Variants in ADAT1 observed in about 807,000 individuals in gnomAD.
ADAT1 encodes adenosine deaminase tRNA specific 1.
A neutral mutation model predicts 58.6 loss-of-function variants in ADAT1; 58 were observed. The observed-to-expected ratio is 0.99, with a 90% CI of 0.80 to 1.23. The LOEUF is 1.23. Ranked by LOEUF, ADAT1 falls within the 50% of genes most tolerant of loss-of-function variation. The pLI is 0.00. For missense variants in ADAT1, 741 were observed against 608.6 expected (o/e 1.22, Z -2.29); for synonymous variants, 254 against 220.8 (o/e 1.15, Z -1.33).
chr16:75,612,024 C>A (rs561159654), intron 6 of ADAT1, among the ~76,000 whole-genome samples: 2 of 152,224 alleles, frequency 1.3e-5, no homozygotes, highest in African/African-American at 4.8e-5. Flanking sequence ...CGCCATTGCA[C>A]CCCAGCCTGG....
chr16:75,618,098 CA>C lies in ADAT1; in HGVS notation c.293+487del, dbSNP rs1163510620. 2.1e-3 allele frequency among the ~76,000 whole-genome samples: 68 copies of C among 32,536 alleles called. 1 individual carries two copies. The highest frequency in any genetic ancestry group is 6.3e-3 in the East Asian group (6 of 952). The allele number at this position is 32,536 out of a possible 152,430, so 21.3% of individuals were successfully genotyped here. On this transcript the variant is annotated intron_variant, in intron 4 of 9. Transcript: ENST00000564657. ...AGGTAACAGAGCAAGACCCTGTGTC[CA>C]AAAAAAAAAAAAAAAAAAAAAAAAA... is the stretch of plus-strand genomic sequence containing the variant.
chr16:75,600,237 CG>C lies in ADAT1; in HGVS notation c.1487del (p.Pro496ArgfsTer37). 6.2e-7 allele frequency: 1 copy of C among 1,614,148 alleles called. No homozygotes were observed. On this transcript the variant is annotated frameshift_variant, in exon 10 of 10. Coordinates refer to ENST00000564657, the MANE Select transcript of ADAT1 (RefSeq NM_001324445.2). LOFTEE classifies it high-confidence loss of function. The stretch of plus-strand genomic sequence containing the variant: ...CTTCTCACTTGAACTGGTGATAATC[CG>C]GTGGGTTTCTGATCCAGGATCCAAA... ...QVFGSWIRNP[P>X]DYHQFK
At chr16:75,603,278 AG>A (rs1408271482) in intron 8 of ADAT1, 107 bp from the exon 9 acceptor site, 7 of 925,978 alleles carry the variant, frequency 7.6e-6, no homozygotes, top group Non-Finnish European at 1.0e-5. Context: ...AAGGTGCCAG[AG>A]CCCCTCATTT....
In ADAT1 at chr16:75,603,033, A is replaced by C. The variant is rs1378951828; in HGVS notation, c.1376+52T>G. On this transcript the variant is annotated intron_variant, in intron 9 of 9. Coordinates refer to ENST00000564657, the MANE Select transcript of ADAT1 (RefSeq NM_001324445.2). ...AGCTTCTTGCTACTCAGAAGCCAGA[A>C]TCAAAACAGTTGTCTACCTAAATAT... 4 of 1,546,462 alleles carry C rather than the reference A, an allele frequency of 2.6e-6. No individual in the cohort carries two copies. In the African/African-American group the frequency reaches 4.1e-5, roughly 16 times the overall value.
In ADAT1 at chr16:75,599,577, G is replaced by C; in HGVS notation, c.*639C>G. ...TGGCTTTCTCTAGGTAGTAGGAAAA[G>C]ATGGCCACCGGCAGTCCCATGATTA... On this transcript the variant is annotated 3_prime_UTR_variant, in exon 10 of 10. Transcript: ENST00000564657. The C allele has an allele frequency of 1.0e-6, 1 of 985,932 alleles. No individual in the cohort carries two copies. The highest frequency in any genetic ancestry group is 1.2e-6 in the Non-Finnish European group (1 of 830,012). 61.1% of individuals were successfully genotyped at this position (985,932 alleles called of 1,614,324 possible).
chr16:75,619,703 G>C (rs1256759554), intron 3 of ADAT1: 2 of 440,812 alleles, frequency 4.5e-6, no homozygotes, highest in African/African-American at 2.0e-5. Flanking sequence ...CTGAGGTCAG[G>C]AGTTCAAGAC....
intron 7 of ADAT1, 25 bp from the exon 8 acceptor site, chr16:75,608,348 T>A: frequency 6.4e-7 from 1 of 1,563,988 alleles, no homozygotes; most frequent in Non-Finnish European, 8.8e-7. Context: ...GATTCTAGGG[T>A]TAAAACTGCT....
chr16:75,613,353 G>A (rs1041235237), intron 5 of ADAT1, among the ~76,000 whole-genome samples: 5 of 152,306 alleles, frequency 3.3e-5, no homozygotes, highest in Non-Finnish European at 7.4e-5. Context: ...CCAGGCTGGA[G>A]TGCAGTGGGG....
intron 8 of ADAT1, among the ~76,000 whole-genome samples, chr16:75,604,456 A>AAAAATAT (rs1555508674): frequency 2.0e-4 from 10 of 48,782 alleles, no homozygotes; most frequent in African/African-American, 4.2e-4. Flanking sequence ...AAAAAAAAAA[A>AAAAATAT]ATATATATAT....
chr16:75,616,007 T>C (rs1484260919), intron 5 of ADAT1, among the ~76,000 whole-genome samples: 1 of 151,798 alleles, frequency 6.6e-6, no homozygotes, highest in East Asian at 1.9e-4. Context: ...TCTCTCTCTT[T>C]TTTTTTTTTT....
chr16:75,613,401 A>C (rs536600552), intron 5 of ADAT1, among the ~76,000 whole-genome samples: 1 of 152,150 alleles, frequency 6.6e-6, no homozygotes, highest in Non-Finnish European at 1.5e-5. Context: ...TCCTGGGTTC[A>C]AGTCATTCTC....
At position 75,621,546 on chromosome 16, in the gene ADAT1, G is replaced by T; in HGVS notation, c.-21-726C>A. Among the ~76,000 whole-genome samples, 4 of 152,192 alleles carry T rather than the reference G, an allele frequency of 2.6e-5. No individual in the cohort carries two copies. In the South Asian group the frequency reaches 8.3e-4, roughly 32 times the overall value. The stretch of plus-strand genomic sequence containing the variant: ...TTGTGAAGATTAAATAATACTTAGG[G>T]TTACTGTGAGGGTTAAATAAGTAAT... On this transcript the variant is annotated intron_variant, in intron 1 of 9. Transcript: ENST00000564657.
chr16:75,615,250 A>T (rs2081663598), intron 5 of ADAT1, among the ~76,000 whole-genome samples: 1 of 151,752 alleles, frequency 6.6e-6, no homozygotes, highest in South Asian at 2.1e-4. Flanking sequence ...AAGTGAAAGA[A>T]ATTAGTTTTG....
intron 1 of ADAT1, among the ~76,000 whole-genome samples, chr16:75,621,417 G>A (rs1266098780): frequency 6.6e-6 from 1 of 151,946 alleles, no homozygotes; most frequent in Admixed American, 6.6e-5. Context: ...TTTTGGCTTT[G>A]CCACAAATTA....
chr16:75,600,244 T>A lies in ADAT1; in HGVS notation c.1481A>T (p.Asn494Ile). ...CTTGAACTGGTGATAATCCGGTGGG[T>A]TTCTGATCCAGGATCCAAACACCTG... The part of the protein sequence containing the change: ...RKQVFGSWIR[N>I]PPDYHQFK Residue 494 changes from asparagine to isoleucine, a missense_variant, in exon 10 of 10, where the codon AAC becomes ATC. By Grantham distance (149) the Asn-to-Ile change is moderately radical. Transcript: ENST00000564657. 1 of 1,614,090 alleles carries A rather than the reference T, an allele frequency of 6.2e-7. No homozygotes were observed.
chr16:75,616,998 G>A, intron 5 of ADAT1, 144 bp downstream of exon 5: 1 of 943,286 alleles, frequency 1.1e-6, no homozygotes, highest in Non-Finnish European at 1.6e-6. Context: ...TCATAAAAAG[G>A]CACTGTCACT....
At position 75,599,978 on chromosome 16, in the gene ADAT1, T is replaced by G. The variant is rs578189909; in HGVS notation, c.*238A>C. ...CTGATTTCATATTTTAGAGAAGCAATAAAACACAATGGAAGTCAGATAGTG... is the reference window on the plus strand; with the variant it reads ...CTGATTTCATATTTTAGAGAAGCAAGAAAACACAATGGAAGTCAGATAGTG... On this transcript the variant is annotated 3_prime_UTR_variant, in exon 10 of 10. Transcript: ENST00000564657. 12 of 1,249,672 alleles carry G rather than the reference T, an allele frequency of 9.6e-6. No homozygotes were observed. In the East Asian group the frequency reaches 4.1e-4, roughly 42 times the overall value. 77.4% of individuals were successfully genotyped at this position (1,249,672 alleles called of 1,614,324 possible).
intron 4 of ADAT1, 143 bp from the exon 5 acceptor site, chr16:75,617,415 G>T: frequency 1.1e-6 from 1 of 880,844 alleles, no homozygotes; most frequent in Non-Finnish European, 1.7e-6. Flanking sequence ...CTCTAGACCA[G>T]TGATTCTCAA....
intron 3 of ADAT1, chr16:75,619,820 G>A (rs73615059): frequency 0.03 from 10,123 of 332,474 alleles, 995 homozygotes; most frequent in African/African-American, 0.21. Context: ...ACCCAGGAAG[G>A]GGAGGTTGCA....
Sources: gnomAD v4.1 joint callset for allele counts (sites outside exome capture counted in the v4.1 genomes callset) on GRCh38, gnomAD v4.1.1 for gene constraint, MANE v1.5 for transcripts, NCBI Gene and HGNC (gene_info 2026-07-23, HGNC 2026-07-21) for gene names.